DDX10: variants seen among roughly 807,000 people sequenced by gnomAD.
The protein encoded by DDX10 is DEAD-box helicase 10.
A neutral mutation model predicts 104.3 loss-of-function variants in DDX10; 74 were observed. That is an observed-to-expected ratio of 0.71 (90% CI 0.59 to 0.86). DDX10 has a LOEUF of 0.86. Ranked by LOEUF, DDX10 falls within the 40% of genes least tolerant of loss-of-function variation. The probability of loss-of-function intolerance (pLI) is 0.00; values close to 1 mark genes in which losing one functional copy is unlikely to be tolerated. For missense variants in DDX10, 952 were observed against 1,040.0 expected, an observed-to-expected ratio of 0.92 and a Z score of 1.16; for synonymous variants, 351 against 353.4, an observed-to-expected ratio of 0.99 and a Z score of 0.08.
chr11:108,936,364 G>A (rs922025576), intron 17 of DDX10, among the ~76,000 whole-genome samples: 13 of 151,990 alleles, frequency 8.6e-5, no homozygotes, highest in South Asian at 4.2e-4. Context: ...GTAGTAGGGC[G>A]TACCTACTCT....
intron 16 of DDX10, among the ~76,000 whole-genome samples, chr11:108,884,057 A>C (rs1049774156): frequency 6.6e-6 from 1 of 152,084 alleles, no homozygotes; most frequent in African/African-American, 2.4e-5. Context: ...TCCAATGTTG[A>C]TGAACCCTAA....
chr11:108,752,159 T>TA (rs1168037403), intron 13 of DDX10, among the ~76,000 whole-genome samples: 4 of 152,122 alleles, frequency 2.6e-5, no homozygotes, highest in Admixed American at 2.0e-4. Flanking sequence ...GTCGTGAAGT[T>TA]ACGTCTTGAG....
Position 108,678,388 on chromosome 11 carries a change from A to G in DDX10, c.611A>G (p.His204Arg). 1 of 1,613,438 alleles carries G rather than the reference A, an allele frequency of 6.2e-7. No individual in the cohort carries two copies. Among genetic ancestry groups the G allele is most frequent in the Non-Finnish European group, 8.5e-7 (1 of 1,179,684 alleles). Residue 204 changes from histidine (H) to arginine (R), a missense_variant, in exon 5 of 18, where the codon CAC (histidine) becomes CGC (arginine). His to Arg is a conservative substitution (Grantham distance 29, BLOSUM62 0). Around this residue, in one of 3 missense-constraint regions of DDX10, gnomAD observed 412 missense variants for 479.2 expected, o/e 0.86. Coordinates refer to ENST00000322536, the MANE Select transcript of DDX10 (RefSeq NM_004398.4). ...LVCTPGRLLQ[H>R]MDETVSFHAT... The stretch of plus-strand genomic sequence containing the variant: ...TGCACACCAGGTCGGCTTCTTCAAC[A>G]CATGGATGAAACAGTATCTTTTCAT...
chr11:108,734,975 A>G (rs559252930), intron 13 of DDX10, among the ~76,000 whole-genome samples: 4 of 152,330 alleles, frequency 2.6e-5, no homozygotes, highest in African/African-American at 7.2e-5. Context: ...CAGTGTGTGT[A>G]TCTGTACCTG....
chr11:108,897,582 T>C (rs915167399), intron 16 of DDX10, among the ~76,000 whole-genome samples: 1 of 152,130 alleles, frequency 6.6e-6, no homozygotes, highest in African/African-American at 2.4e-5. Context: ...TTTTAACTGC[T>C]AGACTACAAG....
chr11:108,748,992 A>G (rs1277724707), intron 13 of DDX10, among the ~76,000 whole-genome samples: 2 of 152,026 alleles, frequency 1.3e-5, no homozygotes, highest in Non-Finnish European at 2.9e-5. Flanking sequence ...CTGGGGCAGT[A>G]GAATACAGAG....
At chr11:108,679,085 T>C (rs1395209512) in intron 5 of DDX10, among the ~76,000 whole-genome samples, 1 of 151,962 alleles carries the variant, frequency 6.6e-6, no homozygotes, top group African/African-American at 2.4e-5. Flanking sequence ...TCTTGACCTC[T>C]TGACCTTGTG....
At chr11:108,864,704 C>T (rs1280229769) in intron 16 of DDX10, among the ~76,000 whole-genome samples, 1 of 152,186 alleles carries the variant, frequency 6.6e-6, no homozygotes, top group Non-Finnish European at 1.5e-5. Flanking sequence ...ACGTGATCCT[C>T]TCACCTCAGC....
intron 13 of DDX10, among the ~76,000 whole-genome samples, chr11:108,807,723 C>T (rs963664850): frequency 3.9e-5 from 6 of 152,080 alleles, no homozygotes; most frequent in Admixed American, 3.9e-4. Flanking sequence ...TTTTCTGGGT[C>T]TGGAACACTA....
At chr11:108,744,086 A>G (rs1437682820) in intron 13 of DDX10, among the ~76,000 whole-genome samples, 1 of 152,134 alleles carries the variant, frequency 6.6e-6, no homozygotes, top group South Asian at 2.1e-4. Context: ...GAGAAAAATG[A>G]TTCATAAGCT....
rs550377784 is a variant in DDX10 at position 108,874,982 on chromosome 11, A to T, written c.2304+22773A>T. Reference sequence around the variant, plus strand: ...CCATTTATATAATGAAGGTAAAAATAGTACCTATTTCATAGCACTGTTTGG... The same window carrying T: ...CCATTTATATAATGAAGGTAAAAATTGTACCTATTTCATAGCACTGTTTGG... On this transcript the variant is annotated intron_variant, in intron 16 of 17. Transcript: ENST00000322536. 3.3e-5 allele frequency among the ~76,000 whole-genome samples: 5 copies of T among 152,310 alleles called. No individual in the cohort carries two copies. In the South Asian group the frequency reaches 1.0e-3, roughly 32 times the overall value.
intron 13 of DDX10, among the ~76,000 whole-genome samples, chr11:108,740,968 G>A (rs2094324477): frequency 6.6e-6 from 1 of 152,096 alleles, no homozygotes; most frequent in Non-Finnish European, 1.5e-5. Flanking sequence ...TCTATCTTGA[G>A]TTGATTTCTC....
chr11:108,798,351 G>GGTA (rs1342429831), intron 13 of DDX10, among the ~76,000 whole-genome samples: 2 of 152,016 alleles, frequency 1.3e-5, no homozygotes. Flanking sequence ...TGATTCTATA[G>GGTA]GTAAATATAT....
chr11:108,876,271 C>G (rs1039393371), intron 16 of DDX10, among the ~76,000 whole-genome samples: 2 of 152,106 alleles, frequency 1.3e-5, no homozygotes, highest in African/African-American at 4.8e-5. Context: ...TTACCTTCCT[C>G]TTACCATGTT....
chr11:108,713,293 C>T (rs2094286914), intron 10 of DDX10, among the ~76,000 whole-genome samples: 1 of 152,044 alleles, frequency 6.6e-6, no homozygotes. Context: ...TTTCTGTTCT[C>T]TTTCTGATAT....
intron 13 of DDX10, among the ~76,000 whole-genome samples, chr11:108,828,194 A>G (rs561187202): frequency 6.2e-4 from 95 of 152,228 alleles, no homozygotes; most frequent in African/African-American, 2.2e-3. Context: ...GTGAACAGGC[A>G]GTGTTTATTT....
intron 16 of DDX10, among the ~76,000 whole-genome samples, chr11:108,911,035 T>C (rs1347752602): frequency 1.3e-5 from 2 of 152,282 alleles, no homozygotes; most frequent in East Asian, 3.9e-4. Context: ...GTTAGACATT[T>C]AGCAGGGCTT....
intron 13 of DDX10, among the ~76,000 whole-genome samples, chr11:108,755,230 C>T (rs903214253): frequency 2.6e-5 from 4 of 152,050 alleles, no homozygotes; most frequent in Non-Finnish European, 5.9e-5. Flanking sequence ...ATTCTGATAA[C>T]ACAAGCAAGA....
chr11:108,877,744 A>G (rs1255715161), intron 16 of DDX10, among the ~76,000 whole-genome samples: 1 of 152,226 alleles, frequency 6.6e-6, no homozygotes, highest in African/African-American at 2.4e-5. Flanking sequence ...GAAGGCACTT[A>G]AATAGCTCCC....
Sources: allele counts gnomAD v4.1 joint callset (sites outside exome capture counted in the v4.1 genomes callset), GRCh38; gene constraint gnomAD v4.1.1; regional missense constraint gnomAD v4.1.1; transcripts MANE v1.5; gene names NCBI Gene and HGNC (gene_info 2026-07-23, HGNC 2026-07-21).